The following NLGN1 variants were observed in gnomAD, a reference collection of about 807,000 sequenced individuals.
The protein encoded by NLGN1 is neuroligin-1.
In NLGN1, 12 loss-of-function variants were observed where a neutral mutation model predicts 65.5. That is an observed-to-expected ratio of 0.18 (90% confidence interval 0.12 to 0.30). The LOEUF is 0.30. Among genes scored for constraint, NLGN1 ranks in the 10% least tolerant of loss-of-function variants. The pLI is 1.00. For missense variants in NLGN1, 750 were observed against 1,007.1 expected, an observed-to-expected ratio of 0.74 and a Z score of 3.46; for synonymous variants, 350 against 359.5, an observed-to-expected ratio of 0.97 and a Z score of 0.30.
intron 4 of NLGN1, among the ~76,000 whole-genome samples, chr3:173,949,318 C>T (rs1260201720): frequency 1.3e-5 from 2 of 152,100 alleles, no homozygotes; most frequent in Non-Finnish European, 2.9e-5. Flanking sequence ...TCTCTCCTAG[C>T]AGCAGTGATA....
intron 4 of NLGN1, among the ~76,000 whole-genome samples, chr3:174,246,379 G>A (rs893684386): frequency 6.6e-6 from 1 of 152,078 alleles, no homozygotes; most frequent in African/African-American, 2.4e-5. Flanking sequence ...AATAGACAAG[G>A]CCATTATTCT....
At chr3:173,556,695 C>T (rs1438924777) in intron 2 of NLGN1, among the ~76,000 whole-genome samples, 1 of 151,914 alleles carries the variant, frequency 6.6e-6, no homozygotes, top group East Asian at 1.9e-4. Context: ...GTCCTAGCTA[C>T]TAGGGAGGCT....
At chr3:173,753,217 A>AG (rs1776564629) in intron 3 of NLGN1, among the ~76,000 whole-genome samples, 1 of 152,160 alleles carries the variant, frequency 6.6e-6, no homozygotes, top group Admixed American at 6.6e-5. Flanking sequence ...TATAATGCTT[A>AG]AATTTAGATC....
At chr3:174,204,735 C>T (rs937591599) in intron 4 of NLGN1, among the ~76,000 whole-genome samples, 7 of 152,204 alleles carry the variant, frequency 4.6e-5, no homozygotes, top group Non-Finnish European at 4.4e-5. Context: ...ATCGTTAACA[C>T]GGATACTCTT....
chr3:174,260,902 T>C (rs1412570623), intron 4 of NLGN1, among the ~76,000 whole-genome samples: 1 of 148,294 alleles, frequency 6.7e-6, no homozygotes, highest in African/African-American at 2.5e-5. Context: ...TTTCTACATA[T>C]GGCTAGCCAG....
At chr3:174,131,185 A>G (rs1720106133) in intron 4 of NLGN1, among the ~76,000 whole-genome samples, 1 of 152,222 alleles carries the variant, frequency 6.6e-6, no homozygotes, top group Admixed American at 6.5e-5. Flanking sequence ...AATGTACGAA[A>G]TACATGGAAA....
At chr3:173,454,641 C>T (rs1722215433) in intron 2 of NLGN1, among the ~76,000 whole-genome samples, 1 of 152,208 alleles carries the variant, frequency 6.6e-6, no homozygotes, top group African/African-American at 2.4e-5. Context: ...TCTGTAGCTT[C>T]CTCACCTCTA....
At chr3:174,176,905 ACT>A (rs1388845163) in intron 4 of NLGN1, among the ~76,000 whole-genome samples, 1 of 151,796 alleles carries the variant, frequency 6.6e-6, no homozygotes, top group Non-Finnish European at 1.5e-5. Context: ...AATTTTAATG[ACT>A]CTGAGTTAAT....
At chr3:174,136,285 AC>A (rs1456310667) in intron 4 of NLGN1, 1 of 152,122 alleles carries the variant, frequency 6.6e-6, no homozygotes, top group African/African-American at 2.4e-5. Flanking sequence ...GGTGTTTGTT[AC>A]CCCCACTTTC....
chr3:173,424,241 C>T (rs1182920194), intron 1 of NLGN1, among the ~76,000 whole-genome samples: 1 of 152,174 alleles, frequency 6.6e-6, no homozygotes, highest in Non-Finnish European at 1.5e-5. Context: ...CCCTCCTAGG[C>T]CTCTGGGTCT....
intron 3 of NLGN1, among the ~76,000 whole-genome samples, chr3:173,692,525 C>G (rs1765620476): frequency 6.6e-6 from 1 of 152,032 alleles, no homozygotes; most frequent in Non-Finnish European, 1.5e-5. Context: ...TTTTCAACTA[C>G]ATTTTTCTAA....
chr3:174,004,782 G>T (rs1724025861), intron 4 of NLGN1, among the ~76,000 whole-genome samples: 1 of 152,106 alleles, frequency 6.6e-6, no homozygotes, highest in Non-Finnish European at 1.5e-5. Flanking sequence ...AGAGTAAAAT[G>T]TTATATAGAG....
rs1318366689 is a variant in NLGN1 at position 174,180,304 on chromosome 3, T to G, written c.647-95011T>G. Reference sequence around the variant, plus strand: ...TTCGGAGCTTTGTAGCTTCCTCACTTTCTGTCTCTTTCCTGTAGGCTACAA... The same window carrying G: ...TTCGGAGCTTTGTAGCTTCCTCACTGTCTGTCTCTTTCCTGTAGGCTACAA... On this transcript the variant is annotated intron_variant, in intron 4 of 6. Transcript: ENST00000457714. 2.6e-5 allele frequency among the ~76,000 whole-genome samples: 4 copies of G among 152,158 alleles called. No homozygotes were observed. The East Asian group carries it at 7.7e-4, about 29-fold the overall frequency.
At position 174,279,094 on chromosome 3, in the gene NLGN1, A is replaced by C; in HGVS notation, c.1093A>C (p.Ile365Leu). 1 of 1,613,350 alleles carries C rather than the reference A, an allele frequency of 6.2e-7. No homozygotes were observed. The highest frequency in any genetic ancestry group is 8.5e-7 in the Non-Finnish European group (1 of 1,179,518). ...TGGACCTGTGATTGATGGTGATGTA[A>C]TACCAGACGACCCCCAGATATTGAT... The change falls in exon 6 of 7, where the codon ATA becomes CTA. Residue 365 changes from isoleucine to leucine, a missense_variant. Physicochemically the swap from Ile to Leu is conservative, Grantham distance 5 (BLOSUM62 2). Transcript: ENST00000457714. This position sits in a 1 kb window ranked among gnomAD's most constrained non-coding sequence, Gnocchi z 4.7.
chr3:174,249,139 T>C (rs1443041139), intron 4 of NLGN1, among the ~76,000 whole-genome samples: 1 of 152,234 alleles, frequency 6.6e-6, no homozygotes, highest in East Asian at 1.9e-4. Flanking sequence ...ATTTTGTAGA[T>C]ATTAAAAACA....
intron 3 of NLGN1, among the ~76,000 whole-genome samples, chr3:173,686,027 T>C (rs926170997): frequency 9.2e-5 from 14 of 152,158 alleles, no homozygotes; most frequent in African/African-American, 3.4e-4. Context: ...CATGCTCATT[T>C]GGGAAGGTGG....
At chr3:173,396,968 A>T (rs544528232), upstream of NLGN1, among the ~76,000 whole-genome samples, 3 of 152,310 alleles carry the variant, frequency 2.0e-5, no homozygotes, top group South Asian at 6.2e-4. Flanking sequence ...GGTTTTAGGA[A>T]ATCGTGTCCT....
At chr3:173,849,956 A>G (rs1268727733) in intron 4 of NLGN1, among the ~76,000 whole-genome samples, 1 of 152,126 alleles carries the variant, frequency 6.6e-6, no homozygotes, top group Admixed American at 6.5e-5. Context: ...ATCTGAGGTA[A>G]TGTTTTCTCT....
chr3:173,917,867 G>GTGTGTGTGTGTGTGTGTGTGTGTGTT (rs1375314398), intron 4 of NLGN1, among the ~76,000 whole-genome samples: 1 of 152,022 alleles, frequency 6.6e-6, no homozygotes, highest in African/African-American at 2.4e-5. Context: ...GTGTGTGTGT[G>GTGTGTGTGTGTGTGTGTGTGTGTGTT]TGTTGGCCTT....
Sources: allele counts gnomAD v4.1 joint callset (sites outside exome capture counted in the v4.1 genomes callset), GRCh38; gene constraint gnomAD v4.1.1; non-coding constraint Gnocchi (gnomAD v3.1); transcripts MANE v1.5; gene names NCBI Gene and HGNC (gene_info 2026-07-23, HGNC 2026-07-21).